The following CYP4F3 variants were observed in gnomAD, a reference collection of about 807,000 sequenced individuals.
The protein encoded by CYP4F3 is cytochrome P450 family 4 subfamily F member 3, also known as cytochrome P450 4F3.
CYP4F3 carries 50 observed loss-of-function variants against 54.8 expected under a neutral mutation model. That is an observed-to-expected ratio of 0.91 (90% CI 0.73 to 1.16). CYP4F3 has a LOEUF of 1.16. Among genes scored for constraint, CYP4F3 ranks in the 50% most tolerant of loss-of-function variants. CYP4F3 has a pLI of 0.00. For synonymous variants in CYP4F3, 244 were observed against 262.6 expected (o/e 0.93, Z 0.69); for missense variants, 715 against 676.2 (o/e 1.06, Z -0.64).
In CYP4F3 at chr19:15,647,175, T is replaced by C. The variant is rs377475066; in HGVS notation, c.398-22T>C. The C allele has an allele frequency of 1.6e-5, 26 of 1,613,914 alleles. No individual in the cohort carries two copies. In the African/African-American group the frequency reaches 2.5e-4, roughly 16 times the overall value. On this transcript the variant is annotated intron_variant, in intron 4 of 12. Transcript: ENST00000221307. Reference sequence around the variant, plus strand: ...CAGGGGAGGGAGATGCCCTTGCCCATGGCCCTTGGCTGCCCTGCCAGGGGA... The same window carrying C: ...CAGGGGAGGGAGATGCCCTTGCCCACGGCCCTTGGCTGCCCTGCCAGGGGA...
At chr19:15,642,720 G>C (rs907877108) in intron 2 of CYP4F3, among the ~76,000 whole-genome samples, 2 of 152,248 alleles carry the variant, frequency 1.3e-5, no homozygotes, top group Non-Finnish European at 2.9e-5. Flanking sequence ...AGATAGAGCA[G>C]GAGGAATGTA....
intron 3 of CYP4F3, 117 bp from the exon 4 acceptor site, chr19:15,646,935 T>C (rs1599885132): frequency 2.8e-6 from 4 of 1,443,952 alleles, no homozygotes; most frequent in African/African-American, 1.4e-5. Flanking sequence ...GACCCTCTTC[T>C]TGCTATGTGG....
intron 2 of CYP4F3, among the ~76,000 whole-genome samples, chr19:15,645,029 T>C (rs2144636285): frequency 6.6e-6 from 1 of 152,342 alleles, no homozygotes; most frequent in Middle Eastern, 3.4e-3. Flanking sequence ...TCACACAGTG[T>C]TACTTCCTCT....
rs2072604 is a variant in CYP4F3, at chr19:15,641,213, G to A, written c.-1-202G>A. The A allele has an allele frequency of 0.23, 140,097 of 599,716 alleles. 17,395 individuals carry two copies. The highest frequency in any genetic ancestry group is 0.28 in the South Asian group (12,953 of 46,842). 37.1% of individuals were successfully genotyped at this position (599,716 alleles called of 1,614,324 possible). ...GTCTTTCTCAATCTAAGTGCTTACC[G>A]GGTAACTGGAGGCCACTTGGTTGCT... On this transcript the variant is annotated intron_variant, in intron 1 of 12. Transcript: ENST00000221307.
intron 6 of CYP4F3, 55 bp from the exon 7 acceptor site, chr19:15,649,858 C>A (rs1485232038): frequency 1.3e-6 from 2 of 1,590,982 alleles, no homozygotes; most frequent in African/African-American, 2.7e-5. Flanking sequence ...GGGAGGTGAT[C>A]CTGGGGCTTC....
Position 15,641,514 on chromosome 19 carries a change from C to T in CYP4F3, c.99C>T (p.Arg33=). The T allele has an allele frequency of 1.9e-6, 3 of 1,614,194 alleles. No homozygotes were observed. The highest frequency in any genetic ancestry group is 2.5e-6 in the Non-Finnish European group (3 of 1,180,040). The change falls in exon 2 of 13, where the codon CGC becomes CGT. Residue 33 remains arginine (R), a synonymous_variant. Transcript: ENST00000221307. The part of the protein sequence containing the change: ...LLVGASWLLA[R]ILAWTYTFYD... ...TTGGGGCCTCCTGGCTCCTGGCCCG[C>T]ATCCTGGCCTGGACCTATACCTTCT...
chr19:15,642,679 C>T (rs910940844), intron 2 of CYP4F3, among the ~76,000 whole-genome samples: 10 of 152,154 alleles, frequency 6.6e-5, no homozygotes, highest in African/African-American at 4.8e-5. Flanking sequence ...CCTTGGGATG[C>T]GCTCTTGGGA....
At position 15,658,566 on chromosome 19, in the gene CYP4F3, C is replaced by T; in HGVS notation, c.1314+11C>T. 3.1e-6 allele frequency: 5 copies of T among 1,614,040 alleles called. No homozygotes were observed. In the South Asian group the frequency reaches 4.4e-5, roughly 14 times the overall value. The stretch of plus-strand genomic sequence containing the variant: ...TGGCCGGACCCTGAGGTGCGGGCCC[C>T]CCGTCTCTGTTTTTGTCCATTCCAA... On this transcript the variant is annotated intron_variant, in intron 11 of 12. Coordinates refer to ENST00000221307, the MANE Select transcript of CYP4F3 (RefSeq NM_000896.3).
chr19:15,658,744 C>T lies in CYP4F3; in HGVS notation c.1332C>T (p.Arg444=). 2 of 1,614,138 alleles carry T rather than the reference C, an allele frequency of 1.2e-6. No homozygotes were observed. Among genetic ancestry groups the T allele is most frequent in the African/African-American group, 1.3e-5 (1 of 75,022 alleles). Residue 444 remains arginine, a synonymous_variant, in exon 12 of 13, where the codon CGC becomes CGT. Coordinates refer to ENST00000221307, the MANE Select transcript of CYP4F3 (RefSeq NM_000896.3). ...GCCTCCAGGTCTATGACCCCTTTCG[C>T]TTTGACCCAAAGAACATCAAGGAGA... is the stretch of plus-strand genomic sequence containing the variant. ...WPDPEVYDPF[R]FDPKNIKERS... is the part of the protein sequence containing the mutation.
intron 2 of CYP4F3, among the ~76,000 whole-genome samples, chr19:15,644,262 G>A (rs539868550): frequency 6.6e-6 from 1 of 152,094 alleles, no homozygotes; most frequent in Non-Finnish European, 1.5e-5. Context: ...TGGTGTTCTG[G>A]GCTGCCCTGG....
intron 5 of CYP4F3, among the ~76,000 whole-genome samples, chr19:15,647,913 T>C (rs1435230585): frequency 1.3e-5 from 2 of 152,124 alleles, no homozygotes; most frequent in Non-Finnish European, 2.9e-5. Context: ...ACAGATAGGG[T>C]TCCAGGGAAT....
In CYP4F3 at chr19:15,647,152, G is replaced by C. The variant is rs755807388; in HGVS notation, c.398-45G>C. The C allele has an allele frequency of 1.9e-6, 3 of 1,613,774 alleles. No homozygotes were observed. The East Asian group carries it at 6.7e-5, about 36-fold the overall frequency. ...GGGTTGGGAACAACCTGGGGGGCCA[G>C]GGGAGGGAGATGCCCTTGCCCATGG... On this transcript the variant is annotated intron_variant, in intron 4 of 12. Coordinates refer to ENST00000221307, the MANE Select transcript of CYP4F3 (RefSeq NM_000896.3).
intron 9 of CYP4F3, among the ~76,000 whole-genome samples, chr19:15,655,314 T>C (rs567419085): frequency 1.3e-5 from 2 of 152,358 alleles, no homozygotes; most frequent in East Asian, 3.9e-4. Context: ...TTTTCTGCCA[T>C]TCTGTGGGTT....
rs1432456329 is a variant in CYP4F3, at chr19:15,660,622, C to A, written c.*1237C>A. ...TCAGAGGCCATGACTTTTCCTACCA[C>A]AGAAGTAATTTTCAAAGTAAGTCTC... is the stretch of plus-strand genomic sequence containing the variant. On this transcript the variant is annotated 3_prime_UTR_variant, in exon 13 of 13. Coordinates refer to ENST00000221307, the MANE Select transcript of CYP4F3 (RefSeq NM_000896.3). 2 of 152,144 alleles carry A rather than the reference C, an allele frequency of 1.3e-5. No homozygotes were observed. Among genetic ancestry groups the A allele is most frequent in the Non-Finnish European group, 2.9e-5 (2 of 68,048 alleles). The allele number at this position is 152,144 out of a possible 1,614,324, so 9.4% of individuals were successfully genotyped here.
chr19:15,643,791 C>G, intron 2 of CYP4F3: 2 of 1,293,420 alleles, frequency 1.5e-6, no homozygotes, highest in Non-Finnish European at 1.0e-6. Flanking sequence ...ATGCCAGTCT[C>G]TTCTGGAAAC....
rs774631109 is a variant in CYP4F3 at position 15,649,992 on chromosome 19, A to T, written c.727A>T (p.Ile243Leu). Residue 243 changes from isoleucine to leucine, a missense_variant, in exon 7 of 13, where the codon ATA (isoleucine) becomes TTA (leucine). Coordinates refer to ENST00000221307, the MANE Select transcript of CYP4F3 (RefSeq NM_000896.3). Reference sequence around the variant, plus strand: ...AAGACACCAGCAGATCCTCCTGTACATAGACTTCCTGTATTATCTCACCCC... The same window carrying T: ...AAGACACCAGCAGATCCTCCTGTACTTAGACTTCCTGTATTATCTCACCCC... ...TKRHQQILLYIDFLYYLTPDG... is the reference protein window; with the variant it reads ...TKRHQQILLYLDFLYYLTPDG... The T allele has an allele frequency of 1.9e-6, 3 of 1,614,168 alleles. No individual in the cohort carries two copies. The highest frequency in any genetic ancestry group is 2.5e-6 in the Non-Finnish European group (3 of 1,180,038).
intron 2 of CYP4F3, 27 bp from the exon 3 acceptor site, chr19:15,645,692 A>G (rs1433172307): frequency 6.3e-7 from 1 of 1,583,918 alleles, no homozygotes; most frequent in African/African-American, 1.3e-5. Context: ...GGAGAGCATG[A>G]ATTGGGTCCT....
At chr19:15,653,881 GTGGAAGC>G (rs1420049500) in intron 9 of CYP4F3, among the ~76,000 whole-genome samples, 1 of 152,194 alleles carries the variant, frequency 6.6e-6, no homozygotes, top group Non-Finnish European at 1.5e-5. Flanking sequence ...GGGGCTGGCT[GTGGAAGC>G]CTTGGGGAAA....
intron 9 of CYP4F3, among the ~76,000 whole-genome samples, chr19:15,653,773 A>T (rs2683046): frequency 0.59 from 78,991 of 132,764 alleles, 23,165 homozygotes; most frequent in East Asian, 0.8. Context: ...AGAGAGAGAG[A>T]GAGAGAGAGA....
Sources: allele counts gnomAD v4.1 joint callset (sites outside exome capture counted in the v4.1 genomes callset), GRCh38; gene constraint gnomAD v4.1.1; transcripts MANE v1.5; gene names NCBI Gene and HGNC (gene_info 2026-07-23, HGNC 2026-07-21).